F13B: variants seen among roughly 807,000 people sequenced by gnomAD.
The protein encoded by F13B is coagulation factor XIII B chain.
Under a neutral mutation model 79.8 loss-of-function variants are expected in F13B, and 58 were observed. The observed-to-expected ratio is 0.73, with a 90% CI of 0.59 to 0.90. F13B has a LOEUF of 0.90. Ranked by LOEUF, F13B falls within the 40% of genes least tolerant of loss-of-function variation. The pLI, the probability that F13B is intolerant of heterozygous loss-of-function variation, is 0.00. For missense variants in F13B, 773 were observed against 777.0 expected (o/e 0.99, Z 0.06); for synonymous variants, 283 against 260.3 (o/e 1.09, Z -0.84).
intron 5 of F13B, among the ~76,000 whole-genome samples, chr1:197,059,963 C>T (rs1185368181): frequency 2.6e-5 from 4 of 152,068 alleles, no homozygotes; most frequent in African/African-American, 4.8e-5. Context: ...GCTTTCTCTG[C>T]TTTCTACCTC....
rs865978728 is a variant in F13B at position 197,047,903 on chromosome 1, C to T, written c.1738+2794G>A. On this transcript the variant is annotated intron_variant, in intron 10 of 11. Transcript: ENST00000367412. The stretch of plus-strand genomic sequence containing the variant: ...ACTATTACAAGGACAGAAAACCAAA[C>T]ACTGCATGTTCTCACTCATAGGTGA... Among the ~76,000 whole-genome samples the T allele has an allele frequency of 2.2e-4, 34 of 152,160 alleles. No homozygotes were observed. The Middle Eastern group carries it at 0.01, about 46-fold the overall frequency.
At chr1:197,063,851 C>T (rs773682570) in intron 1 of F13B, among the ~76,000 whole-genome samples, 15 of 151,992 alleles carry the variant, frequency 9.9e-5, no homozygotes, top group Non-Finnish European at 2.1e-4. Context: ...ATTTTAAGTA[C>T]TGTCTCCAAT....
intron 4 of F13B, 98 bp downstream of exon 4, chr1:197,060,800 GA>G: frequency 8.6e-7 from 1 of 1,157,222 alleles, no homozygotes; most frequent in South Asian, 1.3e-5. Flanking sequence ...AAAAATGCAT[GA>G]AAAGGTGAAA....
At chr1:197,046,461 T>C (rs1023990931) in intron 10 of F13B, among the ~76,000 whole-genome samples, 5 of 152,162 alleles carry the variant, frequency 3.3e-5, no homozygotes, top group Admixed American at 3.3e-4. Flanking sequence ...TTACAAGGGA[T>C]GTGAAGGACC....
Position 197,061,833 on chromosome 1 carries a change from T to G in F13B, c.402A>C (p.Gln134His). The change falls in exon 3 of 12, where the codon CAA (glutamine) becomes CAC (histidine). Residue 134 changes from glutamine (Q) to histidine (H), a missense_variant. Coordinates refer to ENST00000367412, the MANE Select transcript of F13B (RefSeq NM_001994.3). ...GAGAAGACCATCCATCAGAGAGACA[T>G]TGAACCACTTCTTCATCCTTCCCTC... ...TTGGKDEEVV[Q>H]CLSDGWSSQP... 6.2e-7 allele frequency: 1 copy of G among 1,613,478 alleles called. No homozygotes were observed. Among genetic ancestry groups the G allele is most frequent in the Non-Finnish European group, 8.5e-7 (1 of 1,179,624 alleles).
In F13B at chr1:197,054,969, G is replaced by A. The variant is rs1462817022; in HGVS notation, c.1354+746C>T. Among the ~76,000 whole-genome samples, 5 of 152,120 alleles carry A rather than the reference G, an allele frequency of 3.3e-5. No individual in the cohort carries two copies. The South Asian group carries it at 8.3e-4, about 25-fold the overall frequency. On this transcript the variant is annotated intron_variant, in intron 8 of 11. Transcript: ENST00000367412. ...AGTGTACTGTTTGGAATATAAAAAT[G>A]TTGAACACTAAACATCCATCAATAA...
At position 197,044,264 on chromosome 1, in the gene F13B, G is replaced by A. The variant is rs74393690; in HGVS notation, c.1739-3529C>T. Among the ~76,000 whole-genome samples, 855 of 152,048 alleles carry A rather than the reference G, an allele frequency of 5.6e-3. 5 individuals carry two copies. Among genetic ancestry groups the A allele is most frequent in the African/African-American group, 0.019 (808 of 41,480 alleles). ...GCAGTTTCCACGCCCATGGAGCCTT[G>A]CTCACTGCTAGCTCAGCAGTCTGAG... On this transcript the variant is annotated intron_variant, in intron 10 of 11. Transcript: ENST00000367412.
intron 10 of F13B, among the ~76,000 whole-genome samples, chr1:197,047,034 T>A (rs1655258500): frequency 6.6e-6 from 1 of 152,176 alleles, no homozygotes; most frequent in African/African-American, 2.4e-5. Flanking sequence ...AATTTAAATG[T>A]AAGACCTAAC....
intron 5 of F13B, among the ~76,000 whole-genome samples, chr1:197,059,299 T>C (rs1655759700): frequency 6.6e-6 from 1 of 152,194 alleles, no homozygotes; most frequent in Non-Finnish European, 1.5e-5. Context: ...ATACCAAGGA[T>C]GTCGAGCACA....
intron 3 of F13B, among the ~76,000 whole-genome samples, chr1:197,061,376 A>G (rs1655856487): frequency 6.6e-6 from 1 of 152,128 alleles, no homozygotes; most frequent in African/African-American, 2.4e-5. Context: ...CATTTTTACA[A>G]TTTAAACAAC....
intron 5 of F13B, among the ~76,000 whole-genome samples, chr1:197,058,878 A>T (rs1655741518): frequency 6.6e-6 from 1 of 152,070 alleles, no homozygotes; most frequent in Non-Finnish European, 1.5e-5. Flanking sequence ...TTACCGGAAA[A>T]AACAGGCATG....
At chr1:197,046,567 G>A (rs921227102) in intron 10 of F13B, among the ~76,000 whole-genome samples, 3 of 152,100 alleles carry the variant, frequency 2.0e-5, no homozygotes, top group South Asian at 2.1e-4. Flanking sequence ...AATCAATATC[G>A]TGAAAATGGC....
chr1:197,049,433 A>G (rs2125061190), intron 10 of F13B, among the ~76,000 whole-genome samples: 1 of 152,220 alleles, frequency 6.6e-6, no homozygotes, highest in East Asian at 1.9e-4. Flanking sequence ...AACATCAAAA[A>G]GAGGATAGGA....
intron 10 of F13B, among the ~76,000 whole-genome samples, chr1:197,048,553 A>G (rs538351545): frequency 1.8e-4 from 27 of 152,228 alleles, no homozygotes; most frequent in African/African-American, 6.5e-4. Context: ...AAAATTAGAC[A>G]ATGCCAATAC....
chr1:197,060,246 A>T, intron 5 of F13B, 120 bp downstream of exon 5: 1 of 646,744 alleles, frequency 1.5e-6, no homozygotes, highest in Non-Finnish European at 2.7e-6. Flanking sequence ...GATAATATTT[A>T]TTTTAAAAAT....
rs1655622134 is a variant in F13B, at chr1:197,055,835, A to G, written c.1234T>C (p.Leu412=). 5.6e-6 allele frequency: 9 copies of G among 1,613,556 alleles called. No individual in the cohort carries two copies. Among genetic ancestry groups the G allele is most frequent in the Non-Finnish European group, 6.8e-6 (8 of 1,179,748 alleles). The part of the protein sequence containing the change: ...VMNGAVADGI[L]ASYATGSSVE... ...GAGGATCCTGTTGCATAGCTTGCCA[A>G]TATCCCGTCTGCAACAGCCCCATTC... The change falls in exon 8 of 12, where the codon TTG becomes CTG. Residue 412 remains leucine, a synonymous_variant. Transcript: ENST00000367412.
At chr1:197,060,078 A>C (rs1200828063) in intron 5 of F13B, among the ~76,000 whole-genome samples, 1 of 152,126 alleles carries the variant, frequency 6.6e-6, no homozygotes, top group Non-Finnish European at 1.5e-5. Context: ...ATAATTCCCA[A>C]TAAGAAAAGT....
chr1:197,061,587 T>C (rs1338171160), intron 3 of F13B, among the ~76,000 whole-genome samples, 197 bp downstream of exon 3: 1 of 152,020 alleles, frequency 6.6e-6, no homozygotes, highest in Non-Finnish European at 1.5e-5. Context: ...TTGGCGTAGG[T>C]GGGTTGTAGG....
At chr1:197,066,022 T>C (rs997526195) in intron 1 of F13B, among the ~76,000 whole-genome samples, 1 of 152,010 alleles carries the variant, frequency 6.6e-6, no homozygotes, top group African/African-American at 2.4e-5. Flanking sequence ...TAAAATAGCA[T>C]TATAACCTTA....
Sources: gnomAD v4.1 joint callset for allele counts (sites outside exome capture counted in the v4.1 genomes callset) on GRCh38, gnomAD v4.1.1 for gene constraint, MANE v1.5 for transcripts, NCBI Gene and HGNC (gene_info 2026-07-23, HGNC 2026-07-21) for gene names.